KHDRBS2: variants seen among roughly 807,000 people sequenced by gnomAD.
The protein encoded by KHDRBS2 is KH domain-containing, RNA-binding, signal transduction-associated protein 2.
KHDRBS2 carries 26 observed loss-of-function variants against 44.3 expected under a neutral mutation model. The observed-to-expected ratio is 0.59, with a 90% CI of 0.43 to 0.81. The LOEUF (loss-of-function observed/expected upper bound fraction) is 0.81. Among genes scored for constraint, KHDRBS2 ranks in the 40% least tolerant of loss-of-function variants. The pLI is 0.00. For missense variants in KHDRBS2, 476 were observed against 433.1 expected, an observed-to-expected ratio of 1.10 and a Z score of -0.88; for synonymous variants, 194 against 151.1, an observed-to-expected ratio of 1.28 and a Z score of -2.08.
At chr6:61,992,854 C>T (rs1203800232) in intron 3 of KHDRBS2, among the ~76,000 whole-genome samples, 6 of 152,032 alleles carry the variant, frequency 3.9e-5, no homozygotes, top group African/African-American at 1.4e-4. Flanking sequence ...GATCTTTTTC[C>T]CTTTCTATCC....
At chr6:61,560,912 C>T in the KHDRBS2 span, among the ~76,000 whole-genome samples, 1 of 152,034 alleles carries the variant, frequency 6.6e-6, no homozygotes, top group African/African-American at 2.4e-5. Flanking sequence ...AGTTAGGTAC[C>T]TATTTTAGTC....
intron 2 of KHDRBS2, among the ~76,000 whole-genome samples, chr6:62,060,263 T>C (rs1359636888): frequency 1.3e-5 from 2 of 151,734 alleles, no homozygotes; most frequent in East Asian, 3.9e-4. Context: ...TGTAGTTCAA[T>C]TGAAGGGTTT....
intron 3 of KHDRBS2, among the ~76,000 whole-genome samples, chr6:62,025,163 T>C (rs1299795372): frequency 2.0e-5 from 3 of 151,726 alleles, no homozygotes. Context: ...GAAATTTAAT[T>C]TTGACAGATT....
chr6:61,787,772 T>C (rs1220458911), intron 6 of KHDRBS2, among the ~76,000 whole-genome samples: 1 of 151,768 alleles, frequency 6.6e-6, no homozygotes, highest in Admixed American at 6.6e-5. Context: ...TATTACCTTC[T>C]TTCTTGGAAA....
intron 6 of KHDRBS2, among the ~76,000 whole-genome samples, chr6:61,860,878 T>A (rs989674939): frequency 6.6e-6 from 1 of 152,080 alleles, no homozygotes; most frequent in Non-Finnish European, 1.5e-5. Flanking sequence ...CTCGACAGCA[T>A]CTGTTCTTTT....
rs1485956429 is a variant in KHDRBS2 at position 61,780,757 on chromosome 6, C to CA, written c.811-47994dup. 5.9e-5 allele frequency among the ~76,000 whole-genome samples: 9 copies of CA among 151,880 alleles called. 1 individual carries two copies. The highest frequency in any genetic ancestry group is 5.9e-4 in the Admixed American group (9 of 15,212). Reference sequence around the variant, plus strand: ...TGAAACCTAGATTGTAGCTGTTTGACAAAATAGTAAACCATTTATAATAAA... The same window carrying CA: ...TGAAACCTAGATTGTAGCTGTTTGACAAAAATAGTAAACCATTTATAATAAA... On this transcript the variant is annotated intron_variant, in intron 6 of 8. Coordinates refer to ENST00000281156, the MANE Select transcript of KHDRBS2 (RefSeq NM_152688.4).
At chr6:61,969,051 A>G (rs1770746223) in intron 4 of KHDRBS2, among the ~76,000 whole-genome samples, 1 of 152,094 alleles carries the variant, frequency 6.6e-6, no homozygotes, top group Admixed American at 6.6e-5. Context: ...TTCCAGTTCT[A>G]TAATTATAGA....
chr6:62,108,844 G>C (rs1177546391), intron 2 of KHDRBS2, among the ~76,000 whole-genome samples: 9 of 151,976 alleles, frequency 5.9e-5, no homozygotes, highest in Admixed American at 6.6e-5. Context: ...ACTATCGCAA[G>C]GACAAAAAAC....
chr6:61,557,671 C>G, the KHDRBS2 span, among the ~76,000 whole-genome samples: 1 of 152,128 alleles, frequency 6.6e-6, no homozygotes, highest in Admixed American at 6.5e-5. Flanking sequence ...GAAGTATTCT[C>G]TTCTCTATTT....
At chr6:61,752,671 C>CAAAAAAAAAAAAAAAAAAAAAAAAAA (rs56410130) in intron 6 of KHDRBS2, among the ~76,000 whole-genome samples, 1 of 111,336 alleles carries the variant, frequency 9.0e-6, no homozygotes, top group Non-Finnish European at 1.8e-5. Context: ...TTGTGGTATA[C>CAAAAAAAAAAAAAAAAAAAAAAAAAA]AAAAAAAAAA....
intron 3 of KHDRBS2, among the ~76,000 whole-genome samples, chr6:62,024,971 A>G (rs1388203143): frequency 6.6e-6 from 1 of 151,682 alleles, no homozygotes; most frequent in Admixed American, 6.6e-5. Context: ...TCAACATATA[A>G]AACAGTCAAA....
intron 1 of KHDRBS2, among the ~76,000 whole-genome samples, chr6:62,191,306 T>C (rs1585132222): frequency 1.3e-5 from 2 of 152,256 alleles, no homozygotes; most frequent in East Asian, 1.9e-4. Flanking sequence ...TCCTCATACA[T>C]ACTCTGAGCA....
intron 4 of KHDRBS2, among the ~76,000 whole-genome samples, chr6:61,938,545 G>A (rs1811482628): frequency 2.0e-5 from 3 of 152,094 alleles, no homozygotes; most frequent in Admixed American, 2.0e-4. Flanking sequence ...ATGTTATAGG[G>A]TGAAATAATT....
chr6:61,732,601 T>C (rs1774656734), intron 7 of KHDRBS2, 81 bp downstream of exon 7: 5 of 812,644 alleles, frequency 6.2e-6, no homozygotes, highest in Middle Eastern at 2.3e-4. Flanking sequence ...TCTCACATGA[T>C]ATAATTGACA....
chr6:61,870,743 T>A (rs1489222329), intron 6 of KHDRBS2, among the ~76,000 whole-genome samples: 1 of 151,810 alleles, frequency 6.6e-6, no homozygotes, highest in Non-Finnish European at 1.5e-5. Flanking sequence ...GGGTCTGGAG[T>A]GGACCTCCAG....
intron 6 of KHDRBS2, among the ~76,000 whole-genome samples, chr6:61,827,768 C>G (rs1285717878): frequency 6.6e-6 from 1 of 152,134 alleles, no homozygotes; most frequent in African/African-American, 2.4e-5. Context: ...ACATGGCTAA[C>G]AGAAAGAGAC....
intron 1 of KHDRBS2, among the ~76,000 whole-genome samples, chr6:62,224,757 C>G (rs982620113): frequency 6.6e-6 from 1 of 152,162 alleles, no homozygotes; most frequent in African/African-American, 2.4e-5. Context: ...CCATTACTAA[C>G]TAAAAATTAG....
At chr6:61,847,815 A>G (rs1794634758) in intron 6 of KHDRBS2, among the ~76,000 whole-genome samples, 1 of 152,200 alleles carries the variant, frequency 6.6e-6, no homozygotes, top group Middle Eastern at 3.4e-3. Flanking sequence ...GTAAGTTACT[A>G]ACATATATAG....
intron 4 of KHDRBS2, among the ~76,000 whole-genome samples, chr6:61,957,533 A>C (rs1414013836): frequency 6.6e-6 from 1 of 152,150 alleles, no homozygotes. Context: ...TTACGGTCAT[A>C]GCTGTGGGAC....
Sources: allele counts gnomAD v4.1 joint callset (sites outside exome capture counted in the v4.1 genomes callset), GRCh38; gene constraint gnomAD v4.1.1; transcripts MANE v1.5; gene names NCBI Gene and HGNC (gene_info 2026-07-23, HGNC 2026-07-21).